The following CELF4 variants were observed in gnomAD, a reference collection of about 807,000 sequenced individuals.
CELF4 encodes the protein CUGBP Elav-like family member 4.
A neutral mutation model predicts 59.9 loss-of-function variants in CELF4; 18 were observed. That is an observed-to-expected ratio of 0.30 (90% CI 0.21 to 0.45). The LOEUF is 0.45. Among genes scored for constraint, CELF4 ranks in the 20% least tolerant of loss-of-function variants. The pLI, the probability that CELF4 is intolerant of heterozygous loss-of-function variation, is 1.00. For missense variants in CELF4, 456 were observed against 689.0 expected (o/e 0.66, Z 3.79); for synonymous variants, 261 against 267.1 (o/e 0.98, Z 0.22).
At chr18:37,505,331 T>A (rs755244985) in intron 1 of CELF4, among the ~76,000 whole-genome samples, 8 of 152,200 alleles carry the variant, frequency 5.3e-5, no homozygotes, top group Non-Finnish European at 7.3e-5. Flanking sequence ...TATTTTCTAG[T>A]TTTGCATCTC....
At chr18:37,320,442 C>T (rs1484236778) in intron 3 of CELF4, among the ~76,000 whole-genome samples, 5 of 151,906 alleles carry the variant, frequency 3.3e-5, no homozygotes, top group Non-Finnish European at 5.9e-5. Context: ...CTGTCTCTGG[C>T]GGAAGAGCAG....
intron 1 of CELF4, among the ~76,000 whole-genome samples, chr18:37,562,566 A>G (rs1391973568): frequency 6.6e-6 from 1 of 152,172 alleles, no homozygotes; most frequent in Non-Finnish European, 1.5e-5. Flanking sequence ...TATGTTGTCA[A>G]TTTAGAGATG....
At chr18:37,336,728 T>A (rs2097782392) in intron 2 of CELF4, among the ~76,000 whole-genome samples, 2 of 152,204 alleles carry the variant, frequency 1.3e-5, no homozygotes, top group African/African-American at 4.8e-5. Flanking sequence ...TAAAGGTTAA[T>A]TAAGAACCTG....
At chr18:37,474,785 C>A (rs933625601) in intron 2 of CELF4, among the ~76,000 whole-genome samples, 1 of 152,180 alleles carries the variant, frequency 6.6e-6, no homozygotes, top group African/African-American at 2.4e-5. Flanking sequence ...GCTCAATCTG[C>A]AGTAGATGTA....
At chr18:37,371,221 G>A (rs1167715596) in intron 2 of CELF4, among the ~76,000 whole-genome samples, 1 of 152,214 alleles carries the variant, frequency 6.6e-6, no homozygotes, top group East Asian at 1.9e-4. Flanking sequence ...TCAGCTTTAA[G>A]TCATCTGAAG....
intron 1 of CELF4, among the ~76,000 whole-genome samples, chr18:37,499,635 C>T (rs997586400): frequency 3.3e-5 from 5 of 152,238 alleles, no homozygotes; most frequent in Non-Finnish European, 7.3e-5. Context: ...CCTCTGCATG[C>T]CTCTTGTCTG....
chr18:37,523,331 T>C (rs1326618470), intron 1 of CELF4, among the ~76,000 whole-genome samples: 7 of 152,200 alleles, frequency 4.6e-5, no homozygotes, highest in Non-Finnish European at 8.8e-5. Flanking sequence ...CCAGATGTTC[T>C]TTTGGGATAT....
intron 1 of CELF4, among the ~76,000 whole-genome samples, chr18:37,492,530 G>C (rs2154603525): frequency 6.6e-6 from 1 of 152,286 alleles, no homozygotes; most frequent in South Asian, 2.1e-4. Flanking sequence ...TCCAGGCTCT[G>C]TCTTTCGTGC....
intron 2 of CELF4, among the ~76,000 whole-genome samples, chr18:37,458,045 G>A (rs2099783429): frequency 6.6e-6 from 1 of 152,138 alleles, no homozygotes; most frequent in South Asian, 2.1e-4. Context: ...AGGGTCATGC[G>A]TGAACTCTAA....
chr18:37,288,521 T>C (rs2095035572), intron 3 of CELF4, among the ~76,000 whole-genome samples: 1 of 152,196 alleles, frequency 6.6e-6, no homozygotes, highest in African/African-American at 2.4e-5. Flanking sequence ...CAGAAAGGCT[T>C]GGCAACCAAC....
intron 2 of CELF4, among the ~76,000 whole-genome samples, chr18:37,352,997 A>G (rs575954009): frequency 1.2e-3 from 179 of 152,196 alleles, no homozygotes; most frequent in Non-Finnish European, 1.5e-3. Flanking sequence ...CAAGGTGGGC[A>G]GATCAGGAAG....
chr18:37,292,568 C>A (rs979454706), intron 3 of CELF4, among the ~76,000 whole-genome samples: 5 of 152,194 alleles, frequency 3.3e-5, no homozygotes, highest in Non-Finnish European at 7.3e-5. Flanking sequence ...AGGCCAGGTA[C>A]TTAGCACAGT....
chr18:37,271,503 G>A (rs565798560), intron 7 of CELF4, among the ~76,000 whole-genome samples: 33 of 152,140 alleles, frequency 2.2e-4, no homozygotes, highest in South Asian at 8.3e-4. Context: ...TGATCCACCC[G>A]CCTCGGCCTC....
At chr18:37,273,502 G>T in intron 6 of CELF4, 2 of 1,037,408 alleles carry the variant, frequency 1.9e-6, no homozygotes, top group Non-Finnish European at 2.3e-6. Context: ...AAGCACTAGA[G>T]ACATGCTGGA....
At chr18:37,260,823 C>T (rs2073838810) in intron 10 of CELF4, among the ~76,000 whole-genome samples, 1 of 152,176 alleles carries the variant, frequency 6.6e-6, no homozygotes, top group Non-Finnish European at 1.5e-5. Context: ...CGCCCTGTGC[C>T]CTCTGCCCAC....
chr18:37,422,849 C>T (rs2099586678), intron 2 of CELF4, among the ~76,000 whole-genome samples: 1 of 152,178 alleles, frequency 6.6e-6, no homozygotes, highest in Admixed American at 6.5e-5. Flanking sequence ...CATCCCTCGT[C>T]CTATTTCCCC....
intron 3 of CELF4, among the ~76,000 whole-genome samples, chr18:37,292,834 T>C (rs2095423853): frequency 6.6e-6 from 1 of 152,250 alleles, no homozygotes; most frequent in Non-Finnish European, 1.5e-5. Context: ...CTTTGTTTGA[T>C]ATAATTAATT....
chr18:37,433,989 T>C (rs946535000), intron 2 of CELF4, among the ~76,000 whole-genome samples: 1 of 152,216 alleles, frequency 6.6e-6, no homozygotes, highest in Admixed American at 6.5e-5. Flanking sequence ...GCAGAAGTTT[T>C]TAAACAGAGA....
At position 37,266,548 on chromosome 18, in the gene CELF4, G is replaced by C. The variant is rs2077645368; in HGVS notation, c.1150C>G (p.Gln384Glu). Residue 384 changes from glutamine (Q) to glutamate (E), a missense_variant, in exon 9 of 13, where the codon CAG (glutamine) becomes GAG (glutamate). By Grantham distance (29) the Gln-to-Glu change is conservative. This residue lies in a region of CELF4 where 256 missense variants were observed against 340.8 expected (regional missense o/e 0.75). Coordinates refer to ENST00000420428, the MANE Select transcript of CELF4 (RefSeq NM_020180.4). The stretch of plus-strand genomic sequence containing the variant: ...GGATACTAACGACCTGCATACTGCT[G>C]CACTCCGGCGTAGGCCTGCTGCAGG... ...DPLQQAYAGV[Q>E]QYAGPAAYPA... 2 of 1,595,714 alleles carry C rather than the reference G, an allele frequency of 1.3e-6. No homozygotes were observed. Among genetic ancestry groups the C allele is most frequent in the Non-Finnish European group, 1.7e-6 (2 of 1,172,708 alleles).
Sources: gnomAD v4.1 joint callset for allele counts (sites outside exome capture counted in the v4.1 genomes callset) on GRCh38, gnomAD v4.1.1 for gene constraint, gnomAD v4.1.1 regional missense constraint, MANE v1.5 for transcripts, NCBI Gene and HGNC (gene_info 2026-07-23, HGNC 2026-07-21) for gene names.